Variants in STIM1 observed in about 807,000 individuals in gnomAD.
The protein encoded by STIM1 is stromal interaction molecule 1.
Under a neutral mutation model 74.7 loss-of-function variants are expected in STIM1, and 25 were observed. The observed-to-expected ratio is 0.33, with a 90% CI of 0.24 to 0.47. The LOEUF is 0.47. Ranked by LOEUF, STIM1 falls within the 20% of genes least tolerant of loss-of-function variation. The pLI, the probability that STIM1 is intolerant of heterozygous loss-of-function variation, is 1.00. For synonymous variants in STIM1, 328 were observed against 348.8 expected (o/e 0.94, Z 0.66); for missense variants, 728 against 920.8 (o/e 0.79, Z 2.71).
chr11:3,982,176 G>A (rs1255213589), intron 2 of STIM1, among the ~76,000 whole-genome samples: 1 of 124,920 alleles, frequency 8.0e-6, no homozygotes, highest in Non-Finnish European at 1.8e-5. Context: ...ACAGGTGCAC[G>A]CCACTATGCC....
At chr11:4,089,866 C>G (rs1009636184) in intron 12 of STIM1, among the ~76,000 whole-genome samples, 2 of 152,176 alleles carry the variant, frequency 1.3e-5, no homozygotes, top group East Asian at 3.9e-4. Context: ...TCCCTTAGGT[C>G]TCTCCTCTGC....
At chr11:4,060,927 G>T (rs970757792) in intron 5 of STIM1, among the ~76,000 whole-genome samples, 1 of 152,122 alleles carries the variant, frequency 6.6e-6, no homozygotes, top group South Asian at 2.1e-4. Flanking sequence ...AAGATGAGAA[G>T]TGGCCTTATT....
At chr11:3,866,064 G>T (rs1407593088) in intron 1 of STIM1, among the ~76,000 whole-genome samples, 1 of 152,168 alleles carries the variant, frequency 6.6e-6, no homozygotes, top group Non-Finnish European at 1.5e-5. Context: ...TTCTGTATGG[G>T]TGGTGGTTGC....
chr11:3,914,133 C>T (rs2092607105), intron 1 of STIM1, among the ~76,000 whole-genome samples: 1 of 151,860 alleles, frequency 6.6e-6, no homozygotes, highest in African/African-American at 2.4e-5. Flanking sequence ...CTCCCCATTC[C>T]TCCCTCCTGC....
At chr11:3,997,791 G>A (rs557016799) in intron 2 of STIM1, among the ~76,000 whole-genome samples, 17 of 152,344 alleles carry the variant, frequency 1.1e-4, no homozygotes, top group African/African-American at 3.8e-4. Context: ...AGCCCATAGA[G>A]GAGGGAGGGT....
chr11:3,873,101 A>C (rs1387656192), intron 1 of STIM1, among the ~76,000 whole-genome samples: 2 of 152,018 alleles, frequency 1.3e-5, no homozygotes, highest in Non-Finnish European at 2.9e-5. Context: ...AGGTGCCACC[A>C]CACTCCACTG....
At chr11:3,999,220 C>A (rs1029571173) in intron 2 of STIM1, among the ~76,000 whole-genome samples, 2 of 152,156 alleles carry the variant, frequency 1.3e-5, no homozygotes, top group African/African-American at 2.4e-5. Flanking sequence ...TGCCTGTAGT[C>A]CAAGCTACTC....
intron 2 of STIM1, among the ~76,000 whole-genome samples, chr11:4,002,451 T>G (rs1344488770): frequency 6.6e-6 from 1 of 152,076 alleles, no homozygotes; most frequent in Non-Finnish European, 1.5e-5. Flanking sequence ...AACTGCTCAA[T>G]TACATGGAAA....
intron 3 of STIM1, among the ~76,000 whole-genome samples, chr11:4,041,297 G>A (rs1181007058): frequency 6.6e-6 from 1 of 152,162 alleles, no homozygotes; most frequent in Non-Finnish European, 1.5e-5. Context: ...CCTTGAGGCT[G>A]GAGTTCATGC....
intron 7 of STIM1, among the ~76,000 whole-genome samples, chr11:4,079,931 T>C (rs923045797): frequency 6.6e-6 from 1 of 152,130 alleles, no homozygotes. Context: ...TTTTTTTAAG[T>C]TCCTGGCCAG....
In STIM1 at chr11:3,869,588, G is replaced by C. The variant is rs544279824; in HGVS notation, c.139+13179G>C. On this transcript the variant is annotated intron_variant, in intron 1 of 12. Transcript: ENST00000526596. ...GAGTGGGAAAAAGTAAAGAGTCTTT[G>C]GGGGGCAGTAGTTTAGATTGGCTGG... Among the ~76,000 whole-genome samples the C allele has an allele frequency of 2.6e-5, 4 of 152,254 alleles. No homozygotes were observed. In the East Asian group the frequency reaches 7.7e-4, roughly 29 times the overall value.
chr11:4,090,946 CTT>C (rs2094520600), intron 12 of STIM1, among the ~76,000 whole-genome samples: 2 of 146,758 alleles, frequency 1.4e-5, no homozygotes, highest in South Asian at 2.2e-4. Flanking sequence ...CCTTTCTTGT[CTT>C]TCTCTCTTGG....
At chr11:3,993,185 A>G (rs1029291925) in intron 2 of STIM1, among the ~76,000 whole-genome samples, 2 of 151,914 alleles carry the variant, frequency 1.3e-5, no homozygotes, top group African/African-American at 2.4e-5. Flanking sequence ...TCTGGTCCCC[A>G]CTTATTCTGA....
intron 2 of STIM1, among the ~76,000 whole-genome samples, chr11:4,015,358 G>A (rs565542947): frequency 2.0e-5 from 3 of 152,180 alleles, no homozygotes; most frequent in South Asian, 2.1e-4. Context: ...CTTTAAGAAT[G>A]TTGAATATTG....
intron 3 of STIM1, among the ~76,000 whole-genome samples, chr11:4,049,931 A>G (rs1396689869): frequency 6.6e-6 from 1 of 152,180 alleles, no homozygotes; most frequent in Non-Finnish European, 1.5e-5. Context: ...AAAATGATGA[A>G]GATTAGTGAG....
intron 1 of STIM1, among the ~76,000 whole-genome samples, chr11:3,915,279 G>A (rs1004364326): frequency 6.6e-6 from 1 of 151,984 alleles, no homozygotes; most frequent in African/African-American, 2.4e-5. Flanking sequence ...TTTTAGAGAC[G>A]AGATTTTGCT....
At chr11:4,004,571 A>G (rs867502224) in intron 2 of STIM1, among the ~76,000 whole-genome samples, 256 of 151,498 alleles carry the variant, frequency 1.7e-3, no homozygotes, top group Middle Eastern at 6.8e-3. Flanking sequence ...CTTATACCTT[A>G]TACAAAAATT....
Position 4,067,508 on chromosome 11 carries a change from A to T in STIM1, c.614-2518A>T, listed in dbSNP as rs184603317. On this transcript the variant is annotated intron_variant, in intron 5 of 12. Transcript: ENST00000526596. ...ATATTAGACATCTCCATTGTAAGAG[A>T]TGTTTGCCTGTAACAAAACAGAAAC... 1.0e-3 allele frequency among the ~76,000 whole-genome samples: 152 copies of T among 152,344 alleles called. 2 individuals are homozygous for T. Among genetic ancestry groups the T allele is most frequent in the African/African-American group, 3.5e-3 (144 of 41,568 alleles).
chr11:3,952,512 T>G (rs886665067), intron 1 of STIM1, among the ~76,000 whole-genome samples: 3 of 130,784 alleles, frequency 2.3e-5, no homozygotes, highest in Non-Finnish European at 4.7e-5. Context: ...CTTGACTGAT[T>G]TTTTCAGGTA....
Sources: allele counts gnomAD v4.1 joint callset (sites outside exome capture counted in the v4.1 genomes callset), GRCh38; gene constraint gnomAD v4.1.1; transcripts MANE v1.5; gene names NCBI Gene and HGNC (gene_info 2026-07-23, HGNC 2026-07-21).